The following USH2A variants were observed in gnomAD, a reference collection of about 807,000 sequenced individuals.
USH2A encodes the protein usherin.
USH2A carries 443 observed loss-of-function variants against 538.9 expected under a neutral mutation model. The observed-to-expected ratio is 0.82, with a 90% confidence interval of 0.76 to 0.89. The LOEUF (loss-of-function observed/expected upper bound fraction) is 0.89. USH2A is among the 40% of genes least tolerant of loss of function. The probability of loss-of-function intolerance (pLI) is 0.00; values close to 1 mark genes in which losing one functional copy is unlikely to be tolerated. For missense variants in USH2A, 6,633 were observed against 6,324.8 expected (o/e 1.05, Z -1.65); for synonymous variants, 2,413 against 2,273.5 (o/e 1.06, Z -1.75).
chr1:216,336,385 T>G lies in USH2A; in HGVS notation c.785-8731A>C, dbSNP rs370003079. Among the ~76,000 whole-genome samples, 14 of 151,316 alleles carry G rather than the reference T, an allele frequency of 9.3e-5. 1 individual carries two copies. The highest frequency in any genetic ancestry group is 4.0e-4 in the Admixed American group (6 of 15,114). ...TTTTGCCACTTCTAGTCAACATTTT[T>G]CTGTAGTTACCAGACAGGGCAAATA... On this transcript the variant is annotated intron_variant, in intron 4 of 71. Coordinates refer to ENST00000307340, the MANE Select transcript of USH2A (RefSeq NM_206933.4).
At chr1:216,239,176 T>C (rs1365187329) in intron 13 of USH2A, among the ~76,000 whole-genome samples, 2 of 152,068 alleles carry the variant, frequency 1.3e-5, no homozygotes, top group African/African-American at 2.4e-5. Flanking sequence ...TAAAAAAATG[T>C]CCACCCCAAA....
chr1:216,125,278 G>T (rs2033227013), intron 21 of USH2A, among the ~76,000 whole-genome samples: 1 of 150,892 alleles, frequency 6.6e-6, no homozygotes, highest in South Asian at 2.1e-4. Context: ...TATCCAGGAA[G>T]ATCATTAAAC....
intron 58 of USH2A, among the ~76,000 whole-genome samples, chr1:215,757,447 A>C (rs544529647): frequency 6.6e-6 from 1 of 152,314 alleles, no homozygotes; most frequent in African/African-American, 2.4e-5. Context: ...ATGTTATGGA[A>C]TGGATCTACC....
At chr1:216,077,101 G>A (rs1479863581) in intron 27 of USH2A, among the ~76,000 whole-genome samples, 1 of 152,038 alleles carries the variant, frequency 6.6e-6, no homozygotes, top group Non-Finnish European at 1.5e-5. Context: ...TCTGTAATGA[G>A]GATATAAATA....
intron 61 of USH2A, among the ~76,000 whole-genome samples, chr1:215,716,954 A>C (rs1659505528): frequency 6.6e-6 from 1 of 152,254 alleles, no homozygotes; most frequent in African/African-American, 2.4e-5. Flanking sequence ...CCCAAGTGGT[A>C]TGTTTTTGTC....
At chr1:215,836,775 C>G (rs1348943827) in intron 47 of USH2A, among the ~76,000 whole-genome samples, 2 of 149,462 alleles carry the variant, frequency 1.3e-5, no homozygotes, top group African/African-American at 4.9e-5. Context: ...CCAGGATGGT[C>G]TCGATCTCCT....
At chr1:216,041,722 A>G (rs1470731759) in intron 32 of USH2A, among the ~76,000 whole-genome samples, 1 of 152,114 alleles carries the variant, frequency 6.6e-6, no homozygotes, top group Non-Finnish European at 1.5e-5. Context: ...CCTTACCCCA[A>G]TTAAATTTTT....
At chr1:216,394,720 C>CTTTTTTATTTTTT (rs2039174862) in intron 3 of USH2A, among the ~76,000 whole-genome samples, 1 of 120,324 alleles carries the variant, frequency 8.3e-6, no homozygotes, top group African/African-American at 3.0e-5. Context: ...CTGGTCCAGT[C>CTTTTTTATTTTTT]TTTTTTTTTT....
chr1:216,165,516 C>T (rs959454981), intron 21 of USH2A, among the ~76,000 whole-genome samples: 2 of 152,070 alleles, frequency 1.3e-5, no homozygotes, highest in Non-Finnish European at 2.9e-5. Context: ...ACATCTAAGG[C>T]CAATAGAGAC....
chr1:216,106,413 G>C (rs1014327028), intron 21 of USH2A, among the ~76,000 whole-genome samples: 1 of 150,428 alleles, frequency 6.6e-6, no homozygotes, highest in Admixed American at 6.6e-5. Context: ...ATTATGAATA[G>C]GTATAAAATT....
intron 13 of USH2A, among the ~76,000 whole-genome samples, chr1:216,239,417 A>T (rs915237790): frequency 5.3e-5 from 8 of 152,126 alleles, no homozygotes; most frequent in Non-Finnish European, 8.8e-5. Context: ...TAATTCAGAA[A>T]ATATATAGGG....
intron 11 of USH2A, among the ~76,000 whole-genome samples, chr1:216,279,531 C>T (rs1032251815): frequency 3.3e-5 from 5 of 152,074 alleles, no homozygotes; most frequent in South Asian, 2.1e-4. Context: ...CACAGACAGG[C>T]GGCAATTGTA....
intron 3 of USH2A, among the ~76,000 whole-genome samples, chr1:216,390,571 T>C (rs1342316278): frequency 6.6e-6 from 1 of 152,194 alleles, no homozygotes; most frequent in East Asian, 1.9e-4. Flanking sequence ...CATTTTAGAA[T>C]ATGTTATTTA....
chr1:215,989,040 T>C (rs1667945426), intron 35 of USH2A, among the ~76,000 whole-genome samples: 1 of 152,228 alleles, frequency 6.6e-6, no homozygotes, highest in African/African-American at 2.4e-5. Flanking sequence ...AGGCTACCAA[T>C]TGTTTGATTG....
intron 11 of USH2A, among the ~76,000 whole-genome samples, chr1:216,263,860 T>C (rs994572202): frequency 6.6e-6 from 1 of 152,134 alleles, no homozygotes; most frequent in Non-Finnish European, 1.5e-5. Flanking sequence ...GGATCTTATA[T>C]GTAATAAAAA....
At chr1:215,997,020 T>C (rs1668158257) in intron 34 of USH2A, among the ~76,000 whole-genome samples, 1 of 152,154 alleles carries the variant, frequency 6.6e-6, no homozygotes, top group Non-Finnish European at 1.5e-5. Flanking sequence ...TCCACTTTGC[T>C]GAGAACCTGC....
At chr1:216,214,855 C>CGT (rs924867318) in intron 15 of USH2A, among the ~76,000 whole-genome samples, 5 of 151,612 alleles carry the variant, frequency 3.3e-5, no homozygotes, top group South Asian at 2.1e-4. Flanking sequence ...TAATTGTATA[C>CGT]GTGTGTGTGT....
intron 3 of USH2A, among the ~76,000 whole-genome samples, chr1:216,393,754 G>C (rs1462240937): frequency 6.6e-6 from 1 of 152,108 alleles, no homozygotes; most frequent in South Asian, 2.1e-4. Flanking sequence ...AACTACATGA[G>C]GATGCTGAAA....
Position 215,846,160 on chromosome 1 carries a change from A to G in USH2A, c.8846-127T>C, listed in dbSNP as rs1162182604. 3.4e-6 allele frequency: 3 copies of G among 872,224 alleles called. No individual in the cohort carries two copies. The African/African-American group carries it at 5.1e-5, about 15-fold the overall frequency. 54.0% of individuals were successfully genotyped at this position (872,224 alleles called of 1,614,324 possible). On this transcript the variant is annotated intron_variant, in intron 44 of 71. Transcript: ENST00000307340. Reference sequence around the variant, plus strand: ...AGAGAGCCTTTGTTTTGGAAATGTTAAAAAAAGCTTATGAGATCTCCTTTT... The same window carrying G: ...AGAGAGCCTTTGTTTTGGAAATGTTGAAAAAAGCTTATGAGATCTCCTTTT...
Sources: allele counts gnomAD v4.1 joint callset (sites outside exome capture counted in the v4.1 genomes callset), GRCh38; gene constraint gnomAD v4.1.1; transcripts MANE v1.5; gene names NCBI Gene and HGNC (gene_info 2026-07-23, HGNC 2026-07-21).